RBPJ: variants seen among roughly 807,000 people sequenced by gnomAD.
RBPJ encodes the protein recombination signal binding protein for immunoglobulin kappa J region.
In RBPJ, 9 loss-of-function variants were observed where a neutral mutation model predicts 67.8. The observed-to-expected ratio is 0.13, with a 90% confidence interval of 0.08 to 0.23. The LOEUF (loss-of-function observed/expected upper bound fraction) is 0.23. Ranked by LOEUF, RBPJ falls within the 10% of genes least tolerant of loss-of-function variation. RBPJ has a pLI of 1.00. For missense variants in RBPJ, 305 were observed against 595.6 expected (o/e 0.51, Z 5.08); for synonymous variants, 198 against 203.3 (o/e 0.97, Z 0.22).
rs1287364146 is a variant in RBPJ, at chr4:26,434,592, A to T, written c.*3585A>T. On this transcript the variant is annotated 3_prime_UTR_variant, in exon 11 of 11. Transcript: ENST00000355476. ...TTCTGTTTAACCCTTTCAGGACTGA[A>T]CTGTATCTCCTTTTGTTAATTTTCC... The T allele has an allele frequency of 1.3e-5, 2 of 152,162 alleles. No homozygotes were observed. Among genetic ancestry groups the T allele is most frequent in the African/African-American group, 4.8e-5 (2 of 41,432 alleles). 9.4% of individuals were successfully genotyped at this position (152,162 alleles called of 1,614,324 possible). A position where few individuals can be genotyped will look rare whatever the true frequency, so the allele number is the denominator to read the frequency against.
chr4:26,381,609 G>T (rs1730339890), intron 1 of RBPJ, among the ~76,000 whole-genome samples: 2 of 152,090 alleles, frequency 1.3e-5, no homozygotes, highest in South Asian at 4.1e-4. Context: ...CATATATATG[G>T]TGAAGAATGT....
the RBPJ span, among the ~76,000 whole-genome samples, chr4:26,135,742 G>A: frequency 9.2e-5 from 14 of 152,140 alleles, no homozygotes; most frequent in Admixed American, 5.2e-4. Context: ...TGACCATCAC[G>A]CGCTGAACTT....
intron 2 of RBPJ, among the ~76,000 whole-genome samples, chr4:26,394,470 CAAAA>C (rs746553983): frequency 9.3e-6 from 1 of 107,066 alleles, no homozygotes; most frequent in Non-Finnish European, 2.0e-5. Context: ...ACTGTCAGTT[CAAAA>C]AAAAAAAAAA....
At chr4:26,422,610 G>T (rs1735257071) in intron 5 of RBPJ, among the ~76,000 whole-genome samples, 1 of 152,018 alleles carries the variant, frequency 6.6e-6, no homozygotes, top group Middle Eastern at 3.4e-3. Context: ...TTTTTGTTGT[G>T]GTTGTTGTTA....
intron 2 of RBPJ, among the ~76,000 whole-genome samples, chr4:26,391,062 A>AAT (rs959593852): frequency 1.3e-5 from 2 of 152,158 alleles, no homozygotes; most frequent in African/African-American, 2.4e-5. Context: ...GTCTCAAATA[A>AAT]ATATATATAT....
chr4:26,343,177 T>G (rs138129027), intron 1 of RBPJ: 54 of 152,324 alleles, frequency 3.5e-4, no homozygotes, highest in African/African-American at 1.2e-3. Flanking sequence ...TGACTGTTTT[T>G]TCAGCAGGGC....
chr4:26,247,511 A>G (rs535161958), intron 1 of RBPJ, among the ~76,000 whole-genome samples: 3 of 152,216 alleles, frequency 2.0e-5, no homozygotes, highest in East Asian at 1.9e-4. Context: ...CCTGGGTTCA[A>G]GTGATTCTCC....
the RBPJ span, among the ~76,000 whole-genome samples, chr4:26,137,751 C>G: frequency 5.9e-5 from 9 of 152,318 alleles, no homozygotes; most frequent in African/African-American, 2.2e-4. Flanking sequence ...CTCAACCTGG[C>G]CTATGGGTCA....
upstream of RBPJ, chr4:26,320,518 A>G: frequency 2.0e-6 from 1 of 492,528 alleles, no homozygotes; most frequent in Non-Finnish European, 3.6e-6. Flanking sequence ...TGAATGAATG[A>G]AAATAGCTGG....
chr4:26,193,521 T>C (rs1286084121), intron 1 of RBPJ, among the ~76,000 whole-genome samples: 1 of 152,164 alleles, frequency 6.6e-6, no homozygotes, highest in African/African-American at 2.4e-5. Flanking sequence ...TTTAAAACTT[T>C]CCCTTCCTGA....
At chr4:26,266,933 G>A (rs150894341) in intron 1 of RBPJ, among the ~76,000 whole-genome samples, 2 of 152,286 alleles carry the variant, frequency 1.3e-5, no homozygotes, top group East Asian at 3.9e-4. Flanking sequence ...CATAATCTGA[G>A]TCTCTTGTCA....
chr4:26,203,341 A>G (rs1718056545), intron 1 of RBPJ, among the ~76,000 whole-genome samples: 1 of 152,024 alleles, frequency 6.6e-6, no homozygotes, highest in Non-Finnish European at 1.5e-5. Context: ...CACATGGCTC[A>G]TTTCCTCACC....
At chr4:26,293,017 G>A (rs1721722792) in intron 1 of RBPJ, among the ~76,000 whole-genome samples, 1 of 150,458 alleles carries the variant, frequency 6.6e-6, no homozygotes, top group South Asian at 2.1e-4. Flanking sequence ...AGCATATTTG[G>A]ATCTGTATAC....
chr4:26,325,798 G>A (rs1488206614), intron 1 of RBPJ, among the ~76,000 whole-genome samples: 5 of 152,076 alleles, frequency 3.3e-5, no homozygotes, highest in Non-Finnish European at 7.4e-5. Context: ...AGTTTAATGC[G>A]TTCTTGTGTA....
intron 1 of RBPJ, among the ~76,000 whole-genome samples, chr4:26,244,847 T>C (rs914690672): frequency 3.3e-5 from 5 of 152,156 alleles, no homozygotes; most frequent in African/African-American, 1.2e-4. Context: ...TTGGCCAGGC[T>C]GATCTCAAAC....
intron 1 of RBPJ, among the ~76,000 whole-genome samples, chr4:26,370,936 C>T (rs554288707): frequency 2.5e-4 from 38 of 151,982 alleles, no homozygotes; most frequent in African/African-American, 8.9e-4. Context: ...AAAAATTAGC[C>T]GGGCGTGGTG....
At chr4:26,372,303 A>G (rs1052735357) in intron 1 of RBPJ, among the ~76,000 whole-genome samples, 5 of 152,250 alleles carry the variant, frequency 3.3e-5, no homozygotes, top group African/African-American at 9.6e-5. Context: ...TGCTGTAGAC[A>G]GTAGAGACAC....
In RBPJ at chr4:26,429,874, T is replaced by C. The variant is rs770380326; in HGVS notation, c.889-24T>C. On this transcript the variant is annotated intron_variant, in intron 8 of 10. Transcript: ENST00000355476. ...TTAATACAAACTGTATAAAACTTAGTTTCTAAACTTCTTTCTTTATTAGGC... is the reference window on the plus strand; with the variant it reads ...TTAATACAAACTGTATAAAACTTAGCTTCTAAACTTCTTTCTTTATTAGGC... 23 of 1,604,726 alleles carry C rather than the reference T, an allele frequency of 1.4e-5. No homozygotes were observed. In the Admixed American group the frequency reaches 3.3e-4, roughly 23 times the overall value.
chr4:26,308,222 G>C (rs1458146030), intron 1 of RBPJ, among the ~76,000 whole-genome samples: 1 of 152,096 alleles, frequency 6.6e-6, no homozygotes, highest in Non-Finnish European at 1.5e-5. Context: ...CTTGCAGTGA[G>C]CCGAGATCGG....
Sources: gnomAD v4.1 joint callset for allele counts (sites outside exome capture counted in the v4.1 genomes callset) on GRCh38, gnomAD v4.1.1 for gene constraint, MANE v1.5 for transcripts, NCBI Gene and HGNC (gene_info 2026-07-23, HGNC 2026-07-21) for gene names.